The following OSBPL10 variants were observed in gnomAD, a reference collection of about 807,000 sequenced individuals.
OSBPL10 encodes the protein oxysterol binding protein like 10.
OSBPL10 carries 49 observed loss-of-function variants against 81.7 expected under a neutral mutation model. The ratio of observed to expected loss-of-function variants is 0.60; its 90% CI spans 0.48 to 0.76. The LOEUF is 0.76. Ranked by LOEUF, OSBPL10 falls within the 30% of genes least tolerant of loss-of-function variation. The pLI, the probability that OSBPL10 is intolerant of heterozygous loss-of-function variation, is 0.00. For missense variants in OSBPL10, 923 were observed against 987.8 expected, an observed-to-expected ratio of 0.93 and a Z score of 0.88; for synonymous variants, 419 against 383.6, an observed-to-expected ratio of 1.09 and a Z score of -1.08.
chr3:31,863,480 G>T (rs1484977017), intron 3 of OSBPL10, among the ~76,000 whole-genome samples: 1 of 152,188 alleles, frequency 6.6e-6, no homozygotes, highest in African/African-American at 2.4e-5. Flanking sequence ...CCACTTGTTA[G>T]CTATGCCACC....
intron 2 of OSBPL10, among the ~76,000 whole-genome samples, chr3:32,028,928 ACACACACACACACACACACAC>A (rs1699441489): frequency 2.3e-4 from 22 of 97,722 alleles, no homozygotes; most frequent in African/African-American, 4.6e-4. Context: ...GCTAGTCAGG[ACACACACACACACACACACAC>A]ACACACACAC....
chr3:31,770,882 T>G (rs1048225936), intron 4 of OSBPL10, among the ~76,000 whole-genome samples: 4 of 152,184 alleles, frequency 2.6e-5, no homozygotes, highest in Non-Finnish European at 5.9e-5. Flanking sequence ...ACTCAGTTAA[T>G]TTGTTTACTG....
intron 1 of OSBPL10, among the ~76,000 whole-genome samples, chr3:31,886,917 T>G (rs1459607441): frequency 1.3e-5 from 2 of 150,842 alleles, no homozygotes; most frequent in African/African-American, 4.9e-5. Context: ...CCAGCCTGGG[T>G]GACAGAGTGA....
At chr3:31,706,115 G>A (rs550605073) in intron 6 of OSBPL10, among the ~76,000 whole-genome samples, 1 of 152,302 alleles carries the variant, frequency 6.6e-6, no homozygotes, top group Admixed American at 6.5e-5. Flanking sequence ...GGCATATGGT[G>A]CTACAAAAAT....
chr3:32,074,537 C>T (rs1006386994), intron 1 of OSBPL10, among the ~76,000 whole-genome samples: 1 of 152,168 alleles, frequency 6.6e-6, no homozygotes, highest in Non-Finnish European at 1.5e-5. Flanking sequence ...TTGGCAGTCA[C>T]TATTGTTTAG....
At chr3:31,820,581 C>A (rs930593313) in intron 4 of OSBPL10, among the ~76,000 whole-genome samples, 1 of 150,594 alleles carries the variant, frequency 6.6e-6, no homozygotes, top group African/African-American at 2.5e-5. Flanking sequence ...GGAGGCAGAG[C>A]GAGACTCCAT....
chr3:32,057,416 A>G (rs115499522), intron 1 of OSBPL10, among the ~76,000 whole-genome samples: 2,479 of 152,272 alleles, frequency 0.016, 78 homozygotes, highest in African/African-American at 0.056. Context: ...TCATACTGCT[A>G]TAGAGAATTG....
intron 4 of OSBPL10, among the ~76,000 whole-genome samples, chr3:31,803,131 C>G (rs1322033277): frequency 6.6e-6 from 1 of 152,062 alleles, no homozygotes; most frequent in Non-Finnish European, 1.5e-5. Flanking sequence ...TCGGCTCCAC[C>G]CAGACGTGAC....
intron 8 of OSBPL10, among the ~76,000 whole-genome samples, chr3:31,674,535 G>A (rs556952714): frequency 2.5e-3 from 381 of 152,208 alleles, no homozygotes; most frequent in Non-Finnish European, 4.0e-3. Context: ...ACTCCAGCCT[G>A]GACAACAGAG....
At chr3:32,006,883 C>A (rs1675146769) in intron 2 of OSBPL10, among the ~76,000 whole-genome samples, 1 of 152,042 alleles carries the variant, frequency 6.6e-6, no homozygotes, top group Non-Finnish European at 1.5e-5. Flanking sequence ...TGAAAATGAA[C>A]CTATTCATGG....
intron 10 of OSBPL10, 105 bp from the exon 11 acceptor site, chr3:31,664,337 C>A: frequency 8.2e-7 from 1 of 1,220,338 alleles, no homozygotes; most frequent in Non-Finnish European, 1.2e-6. Context: ...GCCAGGCAAG[C>A]CCCCTCTGGG....
At chr3:31,982,887 C>T (rs1287506028), upstream of OSBPL10, among the ~76,000 whole-genome samples, 2 of 152,190 alleles carry the variant, frequency 1.3e-5, no homozygotes, top group African/African-American at 4.8e-5. Context: ...TAGGCTTGGC[C>T]ATGGAATTGC....
At chr3:31,783,110 A>ATT (rs1332863788) in intron 4 of OSBPL10, among the ~76,000 whole-genome samples, 3,609 of 94,606 alleles carry the variant, frequency 0.038, 147 homozygotes, top group African/African-American at 0.12. Flanking sequence ...CAATATATCT[A>ATT]TTATATATAT....
At chr3:31,663,921 C>G in intron 11 of OSBPL10, 158 bp downstream of exon 11, 1 of 1,543,410 alleles carries the variant, frequency 6.5e-7, no homozygotes, top group Non-Finnish European at 8.7e-7. Context: ...TGTCCTGAAG[C>G]CTTGTCCAAA....
intron 4 of OSBPL10, among the ~76,000 whole-genome samples, chr3:31,806,328 A>G (rs957527451): frequency 2.6e-5 from 4 of 152,196 alleles, no homozygotes; most frequent in South Asian, 2.1e-4. Flanking sequence ...TGACCAACAA[A>G]TGTTCACAGA....
At chr3:31,693,543 T>G (rs753924397) in intron 7 of OSBPL10, among the ~76,000 whole-genome samples, 38 of 152,220 alleles carry the variant, frequency 2.5e-4, no homozygotes, top group Admixed American at 1.8e-3. Flanking sequence ...GGTGAGAACA[T>G]GATGTCTGCT....
intron 6 of OSBPL10, among the ~76,000 whole-genome samples, chr3:31,725,788 C>T (rs929969856): frequency 1.3e-5 from 2 of 152,168 alleles, no homozygotes; most frequent in African/African-American, 2.4e-5. Flanking sequence ...GAGATGAGAA[C>T]GAGAAGGAAG....
intron 4 of OSBPL10, among the ~76,000 whole-genome samples, chr3:31,762,661 G>T (rs1165234490): frequency 1.5e-4 from 3 of 20,648 alleles, no homozygotes; most frequent in East Asian, 3.2e-3. Flanking sequence ...TAGAGATGGG[G>T]TTTCACCAAG....
chr3:32,004,537 C>T lies in OSBPL10; in HGVS notation n.298+41954G>A, dbSNP rs571859839. On this transcript the variant is annotated intron_variant and non_coding_transcript_variant, in intron 2 of 3. Transcript: ENST00000479173. ...TTTCAATTTTGAGCCTTCAAGATAT[C>T]GGCTGGAGAACTAGAAAATCTTGTT... Among the ~76,000 whole-genome samples, 6 of 152,310 alleles carry T rather than the reference C, an allele frequency of 3.9e-5. No homozygotes were observed. The East Asian group carries it at 5.8e-4, about 15-fold the overall frequency.
Sources: gnomAD v4.1 joint callset for allele counts (sites outside exome capture counted in the v4.1 genomes callset) on GRCh38, gnomAD v4.1.1 for gene constraint, MANE v1.5 for transcripts, NCBI Gene and HGNC (gene_info 2026-07-23, HGNC 2026-07-21) for gene names.